Variants in CCDC7 observed in about 807,000 individuals in gnomAD.
CCDC7 encodes coiled-coil domain-containing protein 7.
A neutral mutation model predicts 196.9 loss-of-function variants in CCDC7; 183 were observed. That is an observed-to-expected ratio of 0.93 (90% CI 0.82 to 1.05). The LOEUF is 1.05. Ranked by LOEUF, CCDC7 falls within the 50% of genes least tolerant of loss-of-function variation. CCDC7 has a pLI of 0.00. For synonymous variants in CCDC7, 525 were observed against 484.6 expected (o/e 1.08, Z -1.10); for missense variants, 1,540 against 1,482.2 (o/e 1.04, Z -0.64).
chr10:32,598,750 T>C (rs2060683898), intron 18 of CCDC7, among the ~76,000 whole-genome samples: 1 of 152,256 alleles, frequency 6.6e-6, no homozygotes, highest in Non-Finnish European at 1.5e-5. Flanking sequence ...ATTTCTAGTT[T>C]TTAAAAATTA....
At chr10:32,736,964 T>G (rs1240018340) in intron 28 of CCDC7, among the ~76,000 whole-genome samples, 1 of 152,188 alleles carries the variant, frequency 6.6e-6, no homozygotes, top group Non-Finnish European at 1.5e-5. Flanking sequence ...AGCATCTGTT[T>G]TCTCATGATT....
downstream of CCDC7, chr10:32,876,412 G>A (rs1198071614): frequency 2.5e-6 from 4 of 1,598,606 alleles, no homozygotes; most frequent in Admixed American, 3.4e-5. Flanking sequence ...GAAATTCTGA[G>A]CAAGATAAGC....
At chr10:32,565,847 C>G (rs1465694886) in intron 14 of CCDC7, among the ~76,000 whole-genome samples, 7 of 151,758 alleles carry the variant, frequency 4.6e-5, no homozygotes, top group Non-Finnish European at 2.9e-5. Flanking sequence ...CTTTCTTAAG[C>G]TAATAAAGGC....
intron 5 of CCDC7, among the ~76,000 whole-genome samples, chr10:32,468,383 G>A (rs2037281669): frequency 1.3e-5 from 2 of 152,108 alleles, no homozygotes; most frequent in African/African-American, 2.4e-5. Flanking sequence ...CTCTTGGCTC[G>A]ACTGTTGTTG....
chr10:32,655,053 C>T (rs952292617), intron 20 of CCDC7, among the ~76,000 whole-genome samples: 1 of 152,164 alleles, frequency 6.6e-6, no homozygotes, highest in Non-Finnish European at 1.5e-5. Flanking sequence ...TAGATATATA[C>T]CTTGACAGTG....
chr10:32,767,921 A>G (rs2078584107), intron 28 of CCDC7, among the ~76,000 whole-genome samples: 1 of 152,136 alleles, frequency 6.6e-6, no homozygotes, highest in Admixed American at 6.6e-5. Flanking sequence ...AGATTGAAGT[A>G]ATAACTTTAA....
rs11498291 is a variant in CCDC7 at position 32,716,201 on chromosome 10, T to C, written c.2569+4471T>C. ...GGAAGCCCATCAGACTAACAGCAGA[T>C]CTCTCTGCAGAAGCCCTACAAACCA... On this transcript the variant is annotated intron_variant, in intron 25 of 41. Transcript: ENST00000639629. 3.1e-3 allele frequency among the ~76,000 whole-genome samples: 473 copies of C among 152,254 alleles called. 2 individuals carry two copies. Among genetic ancestry groups the C allele is most frequent in the African/African-American group, 0.011 (443 of 41,554 alleles).
intron 11 of CCDC7, among the ~76,000 whole-genome samples, chr10:32,540,687 C>T (rs1169649773): frequency 6.6e-6 from 1 of 152,232 alleles, no homozygotes; most frequent in Admixed American, 6.5e-5. Flanking sequence ...ATATAGGCTA[C>T]CCCCAACCCA....
rs2077760437 is a variant in CCDC7 at position 32,696,584 on chromosome 10, A to T, written c.2458+1592A>T. 2.6e-5 allele frequency among the ~76,000 whole-genome samples: 4 copies of T among 152,162 alleles called. No individual in the cohort carries two copies. In the South Asian group the frequency reaches 8.3e-4, roughly 32 times the overall value. Reference sequence around the variant, plus strand: ...GAGGAGAGCAGCATTTGTATTAGTTATAGGGGCCAGCACTGGGCAGAACCT... The same window carrying T: ...GAGGAGAGCAGCATTTGTATTAGTTTTAGGGGCCAGCACTGGGCAGAACCT... On this transcript the variant is annotated intron_variant, in intron 24 of 41. Coordinates refer to ENST00000639629, the Ensembl canonical transcript of CCDC7.
intron 25 of CCDC7, chr10:32,725,227 T>C: frequency 2.4e-6 from 1 of 423,324 alleles, no homozygotes; most frequent in Non-Finnish European, 4.8e-6. Flanking sequence ...ATCCTTTCTC[T>C]CGAAGCACCA....
intron 22 of CCDC7, among the ~76,000 whole-genome samples, chr10:32,686,311 G>T (rs896726736): frequency 2.0e-5 from 3 of 152,146 alleles, no homozygotes; most frequent in South Asian, 2.1e-4. Flanking sequence ...ATTCACCAAG[G>T]ACAATAGCAG....
chr10:32,767,869 T>C (rs1339638896), intron 28 of CCDC7, among the ~76,000 whole-genome samples: 1 of 151,980 alleles, frequency 6.6e-6, no homozygotes, highest in African/African-American at 2.4e-5. Flanking sequence ...TCAGATAACA[T>C]AGAGAAGGAA....
intron 14 of CCDC7, among the ~76,000 whole-genome samples, chr10:32,566,682 C>T (rs1335296309): frequency 2.6e-5 from 4 of 151,448 alleles, no homozygotes; most frequent in Non-Finnish European, 4.4e-5. Context: ...GGGCCAAGGC[C>T]GGTGGATCAC....
intron 1 of CCDC7, 97 bp downstream of exon 2, chr10:32,452,018 T>C: frequency 7.0e-7 from 1 of 1,422,370 alleles, no homozygotes; most frequent in Non-Finnish European, 9.2e-7. Flanking sequence ...CATATAGTCA[T>C]ACCGATGGCT....
chr10:32,700,878 A>G (rs1253049063), intron 24 of CCDC7, among the ~76,000 whole-genome samples: 1 of 152,178 alleles, frequency 6.6e-6, no homozygotes, highest in African/African-American at 2.4e-5. Flanking sequence ...GTATATAAGA[A>G]TACTTGTGAG....
intron 41 of CCDC7, among the ~76,000 whole-genome samples, chr10:32,868,368 T>A (rs2094288122): frequency 6.6e-6 from 1 of 152,002 alleles, no homozygotes; most frequent in African/African-American, 2.4e-5. Context: ...CATTTTCCTC[T>A]GTATCTACTC....
chr10:32,722,149 A>G (rs1030256783), intron 25 of CCDC7, among the ~76,000 whole-genome samples: 1 of 152,108 alleles, frequency 6.6e-6, no homozygotes, highest in South Asian at 2.1e-4. Flanking sequence ...AGACAATAGC[A>G]TTAGGTACTA....
At chr10:32,463,271 T>G (rs975790655) in intron 5 of CCDC7, among the ~76,000 whole-genome samples, 2 of 152,180 alleles carry the variant, frequency 1.3e-5, no homozygotes, top group African/African-American at 4.8e-5. Flanking sequence ...ACTCCAAGTT[T>G]GACTGACACA....
At chr10:32,614,337 C>T (rs1192051701) in intron 18 of CCDC7, among the ~76,000 whole-genome samples, 1 of 150,658 alleles carries the variant, frequency 6.6e-6, no homozygotes, top group Non-Finnish European at 1.5e-5. Flanking sequence ...TGCATGTAGA[C>T]ACACATAGGC....
Sources: allele counts gnomAD v4.1 joint callset (sites outside exome capture counted in the v4.1 genomes callset), GRCh38; gene constraint gnomAD v4.1.1; transcripts MANE v1.5; gene names NCBI Gene and HGNC (gene_info 2026-07-23, HGNC 2026-07-21).